Variants in SATB1 observed in about 807,000 individuals in gnomAD.
SATB1 encodes the protein SATB homeobox 1.
A neutral mutation model predicts 86.9 loss-of-function variants in SATB1; 11 were observed. The ratio of observed to expected loss-of-function variants is 0.13; its 90% CI spans 0.08 to 0.21. The LOEUF (loss-of-function observed/expected upper bound fraction) is 0.21, where lower values mean the gene tolerates loss of function less well. Among genes scored for constraint, SATB1 ranks in the 10% least tolerant of loss-of-function variants. SATB1 has a pLI of 1.00. For missense variants in SATB1, 551 were observed against 937.6 expected (o/e 0.59, Z 5.39); for synonymous variants, 357 against 357.2 (o/e 1.00, Z 0.01).
chr3:18,400,350 A>C (rs1020957269), intron 5 of SATB1, among the ~76,000 whole-genome samples: 7 of 152,208 alleles, frequency 4.6e-5, no homozygotes, highest in African/African-American at 1.7e-4. Context: ...TTCATCTGAC[A>C]AAACAGAATA....
chr3:18,352,319 G>A lies in SATB1; in HGVS notation c.1576-124C>T. The A allele has an allele frequency of 2.6e-6, 2 of 766,956 alleles. No homozygotes were observed. The highest frequency in any genetic ancestry group is 3.7e-5 in the South Asian group (2 of 54,510). The allele number at this position is 766,956 out of a possible 1,614,324, so 47.5% of individuals were successfully genotyped here. ...TCATAAGCTCAGAACACACCATTCT[G>A]CTTTAAAAATTGTTTTTAACTTGTT... On this transcript the variant is annotated intron_variant, in intron 9 of 10. Transcript: ENST00000338745. This position sits in a 1 kb window ranked among gnomAD's most constrained non-coding sequence, Gnocchi z 4.1.
intron 9 of SATB1, among the ~76,000 whole-genome samples, chr3:18,368,586 C>T (rs1488976978): frequency 2.0e-5 from 3 of 152,074 alleles, no homozygotes; most frequent in Non-Finnish European, 4.4e-5. Flanking sequence ...AGTAAGGAAT[C>T]AAAAAACCCC....
Position 18,416,235 on chromosome 3 carries a change from G to A in SATB1, c.389-102C>T, listed in dbSNP as rs546042923. The A allele has an allele frequency of 4.4e-5, 36 of 827,326 alleles. No homozygotes were observed. The South Asian group carries it at 6.4e-4, about 15-fold the overall frequency. The allele number at this position is 827,326 out of a possible 1,614,324, so 51.2% of individuals were successfully genotyped here. On this transcript the variant is annotated intron_variant, in intron 3 of 10. Transcript: ENST00000338745. The stretch of plus-strand genomic sequence containing the variant: ...TTTTCTACTACCCCTACCACAAGCA[G>A]TACCGTTATTTCTGTTTGAATGATT...
Position 18,386,182 on chromosome 3 carries a change from AG to A in SATB1, c.1419+216del. ...CACCCCCAAATAACCCAAAGAATGA[AG>A]GAACACAAAGCAATTTTCTTCCCTC... On this transcript the variant is annotated intron_variant, in intron 8 of 10. Transcript: ENST00000338745. The surrounding 1 kb of genome is among the most constrained non-coding windows in gnomAD (Gnocchi z 4.5). Among the ~76,000 whole-genome samples the A allele has an allele frequency of 6.6e-6, 1 of 152,288 alleles. No homozygotes were observed. The highest frequency in any genetic ancestry group is 1.9e-4 in the East Asian group (1 of 5,186).
chr3:18,367,916 A>C (rs1052982481), intron 9 of SATB1, among the ~76,000 whole-genome samples: 1 of 152,252 alleles, frequency 6.6e-6, no homozygotes, highest in Non-Finnish European at 1.5e-5. Flanking sequence ...TGATTGCAAA[A>C]AGTGACTGAA....
chr3:18,376,580 G>C (rs980781415), intron 9 of SATB1, among the ~76,000 whole-genome samples: 9 of 138,238 alleles, frequency 6.5e-5, no homozygotes, highest in South Asian at 2.2e-4. Flanking sequence ...GCAAGTAGGT[G>C]GGGGGGGGGA....
intron 9 of SATB1, among the ~76,000 whole-genome samples, chr3:18,365,437 T>C (rs796775129): frequency 3.3e-5 from 5 of 151,740 alleles, no homozygotes; most frequent in East Asian, 3.9e-4. Context: ...GGCACAAGCA[T>C]TGGATGTGCG....
chr3:18,412,358 C>T (rs948651908), intron 5 of SATB1, among the ~76,000 whole-genome samples: 3 of 151,996 alleles, frequency 2.0e-5, no homozygotes, highest in African/African-American at 4.8e-5. Context: ...CAGGCAAAAT[C>T]CTGGTGGCTC....
intron 5 of SATB1, 156 bp downstream of exon 5, chr3:18,414,955 G>C: frequency 1.4e-6 from 1 of 713,650 alleles, no homozygotes; most frequent in Non-Finnish European, 2.3e-6. Context: ...CAAGGAATCA[G>C]GCATATTTTA....
chr3:18,428,216 C>G (rs1698773725), upstream of SATB1, among the ~76,000 whole-genome samples: 1 of 152,142 alleles, frequency 6.6e-6, no homozygotes, highest in African/African-American at 2.4e-5. Flanking sequence ...TCTGCAGAGT[C>G]CTGTGGTGGC....
chr3:18,419,899 G>A (rs565700788), intron 2 of SATB1, among the ~76,000 whole-genome samples: 63 of 152,246 alleles, frequency 4.1e-4, no homozygotes, highest in African/African-American at 1.4e-3. Context: ...TAAATGTTAC[G>A]CATCAAACAC....
rs558206555 is a variant in SATB1, at chr3:18,397,941, T to C, written c.640-651A>G. Among the ~76,000 whole-genome samples, 3 of 152,288 alleles carry C rather than the reference T, an allele frequency of 2.0e-5. No individual in the cohort carries two copies. The South Asian group carries it at 6.2e-4, about 32-fold the overall frequency. On this transcript the variant is annotated intron_variant, in intron 5 of 10. Transcript: ENST00000338745. ...CCGTATTTGAGAAGAAACAAACTAT[T>C]CACAGAGATCCTCTATCAAGAGAAA... is the stretch of plus-strand genomic sequence containing the variant.
chr3:18,391,018 C>T (rs1036252416), intron 7 of SATB1, among the ~76,000 whole-genome samples: 22 of 151,948 alleles, frequency 1.4e-4, no homozygotes, highest in South Asian at 2.1e-4. Flanking sequence ...ATATCTTCAA[C>T]GGCAATTAAA....
chr3:18,426,990 T>C (rs1243864851), upstream of SATB1, among the ~76,000 whole-genome samples: 6 of 152,180 alleles, frequency 3.9e-5, no homozygotes, highest in Non-Finnish European at 8.8e-5. The surrounding 1 kb of genome is among the most constrained non-coding windows in gnomAD (Gnocchi z 4.2). Flanking sequence ...CCAGAAAGGT[T>C]AGCCAAATCT....
At chr3:18,445,042 G>T (rs1699349935) in intron 1 of SATB1, 1 of 243,986 alleles carries the variant, frequency 4.1e-6, no homozygotes, top group South Asian at 1.5e-4. Context: ...GTCCCCCGCG[G>T]GAGCCCGCAG....
chr3:18,397,695 A>T (rs1333999228), intron 5 of SATB1, among the ~76,000 whole-genome samples: 1 of 152,216 alleles, frequency 6.6e-6, no homozygotes, highest in Non-Finnish European at 1.5e-5. Flanking sequence ...TTCTACTCAA[A>T]GTATAGACCA....
chr3:18,435,199 G>C (rs1199166767), intron 2 of SATB1: 1 of 152,240 alleles, frequency 6.6e-6, no homozygotes, highest in African/African-American at 2.4e-5. Context: ...GGTTAAGTAG[G>C]CTTCTCCATG....
intron 9 of SATB1, among the ~76,000 whole-genome samples, chr3:18,375,387 G>A (rs1378844121): frequency 1.3e-5 from 2 of 152,084 alleles, no homozygotes; most frequent in Non-Finnish European, 2.9e-5. Context: ...AAACACGATG[G>A]TTAAGTCAAC....
intron 5 of SATB1, among the ~76,000 whole-genome samples, chr3:18,412,309 C>T (rs1575158872): frequency 6.6e-6 from 1 of 151,992 alleles, no homozygotes; most frequent in Non-Finnish European, 1.5e-5. Flanking sequence ...ATTAGACAAT[C>T]GTCCTAAGAG....
Sources: gnomAD v4.1 joint callset for allele counts (sites outside exome capture counted in the v4.1 genomes callset) on GRCh38, gnomAD v4.1.1 for gene constraint, Gnocchi (gnomAD v3.1) non-coding constraint, MANE v1.5 for transcripts, NCBI Gene and HGNC (gene_info 2026-07-23, HGNC 2026-07-21) for gene names.